MTA3: variants seen among roughly 807,000 people sequenced by gnomAD.
MTA3 encodes metastasis-associated protein MTA3.
In MTA3, 34 loss-of-function variants were observed where a neutral mutation model predicts 83.5. The observed-to-expected ratio is 0.41, with a 90% CI of 0.31 to 0.54. MTA3 has a LOEUF of 0.54. Ranked by LOEUF, MTA3 falls within the 20% of genes least tolerant of loss-of-function variation. MTA3 has a pLI of 0.33. For missense variants in MTA3, 761 were observed against 726.4 expected (o/e 1.05, Z -0.55); for synonymous variants, 303 against 252.7 (o/e 1.20, Z -1.89).
chr2:42,716,546 C>G (rs529279356), intron 14 of MTA3, among the ~76,000 whole-genome samples: 2 of 152,270 alleles, frequency 1.3e-5, no homozygotes, highest in South Asian at 4.2e-4. Flanking sequence ...GAGTTCTCAT[C>G]ATTTAGCTCC....
At position 42,609,460 on chromosome 2, in the gene MTA3, G is replaced by A. The variant is rs945869520; in HGVS notation, c.193G>A (p.Glu65Lys). The A allele has an allele frequency of 7.4e-6, 12 of 1,613,294 alleles. No individual in the cohort carries two copies. The African/African-American group carries it at 1.5e-4, about 20-fold the overall frequency. The stretch of plus-strand genomic sequence containing the variant: ...TTCTTTGAATTTTATTTGTGTAGAA[G>A]AAATTGAGGAAGAATCTGAAACAAC... ...LIMLADKHAK[E>K]IEEESETTVE... The change falls in exon 4 of 17, where the codon GAA (glutamate) becomes AAA (lysine). Residue 65 changes from glutamate (E) to lysine (K), a missense_variant and splice_region_variant. Physicochemically the swap from Glu to Lys is moderately conservative, Grantham distance 56 (BLOSUM62 1). Transcript: ENST00000405094.
intron 6 of MTA3, among the ~76,000 whole-genome samples, chr2:42,651,799 CAA>C (rs1009801180): frequency 4.2e-5 from 5 of 117,898 alleles, no homozygotes; most frequent in African/African-American, 3.2e-5. Flanking sequence ...GACCTTGTCT[CAA>C]AAAAAAAAAA....
intron 2 of MTA3, among the ~76,000 whole-genome samples, chr2:42,525,353 C>G (rs1424473950): frequency 6.6e-6 from 1 of 152,088 alleles, no homozygotes; most frequent in Non-Finnish European, 1.5e-5. Flanking sequence ...GCACTTACCA[C>G]CATGCCTGGC....
At chr2:42,549,589 T>TATATAC (rs1381927089) in intron 2 of MTA3, among the ~76,000 whole-genome samples, 1 of 118,262 alleles carries the variant, frequency 8.5e-6, no homozygotes, top group African/African-American at 3.5e-5. Context: ...TATAATATAT[T>TATATAC]ATATACATAT....
At chr2:42,739,595 A>G (rs772614717) in intron 16 of MTA3, among the ~76,000 whole-genome samples, 7 of 152,200 alleles carry the variant, frequency 4.6e-5, no homozygotes, top group Non-Finnish European at 1.0e-4. Context: ...TTCTTAAAGT[A>G]AGACCACATT....
intron 7 of MTA3, among the ~76,000 whole-genome samples, chr2:42,658,831 T>C (rs1689413922): frequency 2.0e-5 from 3 of 151,852 alleles, no homozygotes; most frequent in African/African-American, 4.8e-5. Flanking sequence ...TCCCAAAACT[T>C]TGGGAGGCCG....
intron 4 of MTA3, among the ~76,000 whole-genome samples, chr2:42,633,758 G>A (rs1686916167): frequency 6.6e-6 from 1 of 151,778 alleles, no homozygotes; most frequent in African/African-American, 2.4e-5. Context: ...GCCGGCCGTG[G>A]TGGCGGGCGC....
intron 14 of MTA3, among the ~76,000 whole-genome samples, chr2:42,711,775 A>AGTGTGTGTTTGTGTGTGTGTGTGTGT (rs372997456): frequency 2.7e-4 from 37 of 139,504 alleles, no homozygotes; most frequent in Admixed American, 7.2e-4. Context: ...TGTATAGGAG[A>AGTGTGTGTTTGTGTGTGTGTGTGTGT]GAGAGAGAGT....
At chr2:42,655,606 T>G (rs763847013) in intron 6 of MTA3, among the ~76,000 whole-genome samples, 18 of 152,188 alleles carry the variant, frequency 1.2e-4, no homozygotes, top group African/African-American at 2.4e-4. Context: ...AGTGATGCTT[T>G]CTTTCTTTTT....
chr2:42,501,933 G>A (rs1013890205), intron 2 of MTA3, among the ~76,000 whole-genome samples: 2 of 152,024 alleles, frequency 1.3e-5, no homozygotes, highest in African/African-American at 2.4e-5. Context: ...AGCCGAGATC[G>A]TGCCACTGCA....
At chr2:42,614,372 C>G (rs1684594041) in intron 4 of MTA3, among the ~76,000 whole-genome samples, 2 of 152,244 alleles carry the variant, frequency 1.3e-5, no homozygotes, top group South Asian at 2.1e-4. Flanking sequence ...GCTGGGATTA[C>G]AGGCGTGAGC....
chr2:42,622,364 C>T (rs984792460), intron 4 of MTA3, among the ~76,000 whole-genome samples: 3 of 139,034 alleles, frequency 2.2e-5, no homozygotes, highest in Admixed American at 8.1e-5. Flanking sequence ...CAGTACCGTC[C>T]AGCTTCGGCT....
At position 42,667,584 on chromosome 2, in the gene MTA3, G is replaced by GTGTGTGTGTGTT. The variant is rs1558562255; in HGVS notation, c.702+7733_702+7734insTTGTGTGTGTGT. On this transcript the variant is annotated intron_variant, in intron 8 of 16. Coordinates refer to ENST00000405094, the MANE Select transcript of MTA3 (RefSeq NM_001330442.2). ...TCATTTAAAAATTGTGTGTGTGTGT[G>GTGTGTGTGTGTT]TGTGTGTGTGTGTGTGTGTGTGTGT... Among the ~76,000 whole-genome samples the GTGTGTGTGTGTT allele has an allele frequency of 8.6e-4, 111 of 129,440 alleles. 1 individual carries two copies. The East Asian group carries it at 9.0e-3, about 10-fold the overall frequency. 84.9% of individuals were successfully genotyped at this position (129,440 alleles called of 152,430 possible). A position where few individuals can be genotyped will look rare whatever the true frequency, so the allele number is the denominator to read the frequency against.
At chr2:42,594,728 A>ATATATATATATATATATATTT in intron 3 of MTA3, among the ~76,000 whole-genome samples, 3 of 24,046 alleles carry the variant, frequency 1.2e-4, no homozygotes, top group African/African-American at 4.5e-4. Context: ...ATATATATAT[A>ATATATATATATATATATATTT]TTTTTTTTTT....
chr2:42,746,342 C>T (rs78986469), intron 16 of MTA3, among the ~76,000 whole-genome samples: 3,580 of 152,256 alleles, frequency 0.024, 71 homozygotes, highest in South Asian at 0.068. Context: ...AAAACACACT[C>T]AGAGCAGTTG....
At chr2:42,628,912 AAC>A (rs976150391) in intron 4 of MTA3, among the ~76,000 whole-genome samples, 2 of 152,112 alleles carry the variant, frequency 1.3e-5, no homozygotes, top group African/African-American at 4.8e-5. Context: ...TTTCTTTTTA[AAC>A]AAAAAATATT....
chr2:42,517,091 C>T (rs951648324), intron 2 of MTA3, among the ~76,000 whole-genome samples: 11 of 152,034 alleles, frequency 7.2e-5, no homozygotes, highest in African/African-American at 2.7e-4. Context: ...GAAACCCCAT[C>T]TCTACTAAAA....
chr2:42,619,287 C>T (rs764786530), intron 4 of MTA3, among the ~76,000 whole-genome samples: 1 of 152,128 alleles, frequency 6.6e-6, no homozygotes, highest in Non-Finnish European at 1.5e-5. Flanking sequence ...AACCCAGTGT[C>T]ACTGTTTTGG....
intron 14 of MTA3, among the ~76,000 whole-genome samples, chr2:42,715,054 C>A (rs1029605868): frequency 6.6e-6 from 1 of 152,202 alleles, no homozygotes; most frequent in African/African-American, 2.4e-5. Flanking sequence ...TCTCTCTGGA[C>A]AGGTTTTGAT....
Sources: gnomAD v4.1 joint callset for allele counts (sites outside exome capture counted in the v4.1 genomes callset) on GRCh38, gnomAD v4.1.1 for gene constraint, MANE v1.5 for transcripts, NCBI Gene and HGNC (gene_info 2026-07-23, HGNC 2026-07-21) for gene names.